Variants in SIRPG observed in about 807,000 individuals in gnomAD.
SIRPG encodes the protein signal-regulatory protein gamma.
SIRPG carries 38 observed loss-of-function variants against 35.7 expected under a neutral mutation model. The ratio of observed to expected loss-of-function variants is 1.06; its 90% CI spans 0.82 to 1.40. The LOEUF is 1.40. Ranked by LOEUF, SIRPG falls within the 40% of genes most tolerant of loss-of-function variation. The pLI is 0.00. For synonymous variants in SIRPG, 215 were observed against 190.4 expected (o/e 1.13, Z -1.06); for missense variants, 519 against 483.0 (o/e 1.07, Z -0.70).
intron 1 of SIRPG, among the ~76,000 whole-genome samples, chr20:1,654,689 A>G (rs1458158023): frequency 6.6e-6 from 1 of 152,236 alleles, no homozygotes; most frequent in Admixed American, 6.5e-5. Flanking sequence ...AAAGGCATTA[A>G]CAACAAACTA....
the SIRPG span, among the ~76,000 whole-genome samples, chr20:1,682,329 T>A: frequency 6.6e-6 from 1 of 152,226 alleles, no homozygotes; most frequent in Non-Finnish European, 1.5e-5. Flanking sequence ...TCAAGTGAGA[T>A]TTATCCCAGG....
chr20:1,636,574 AC>A (rs1166487129), intron 2 of SIRPG, 69 bp from the exon 3 acceptor site: 1 of 1,461,476 alleles, frequency 6.8e-7, no homozygotes, highest in East Asian at 2.3e-5. Context: ...AGTGTGTGAC[AC>A]TGTTAAGAAC....
chr20:1,634,292 C>A (rs6514585), intron 4 of SIRPG, among the ~76,000 whole-genome samples: 1 of 150,230 alleles, frequency 6.7e-6, no homozygotes, highest in Non-Finnish European at 1.5e-5. Flanking sequence ...CTGCAAGCTC[C>A]GCCTCCTGGG....
the SIRPG span, chr20:1,670,088 A>G: frequency 1.6e-5 from 4 of 252,434 alleles, no homozygotes; most frequent in Non-Finnish European, 3.5e-5. Context: ...CATGTTCTCA[A>G]TGAGGATGGA....
the SIRPG span, among the ~76,000 whole-genome samples, chr20:1,675,736 G>A: frequency 2.0e-5 from 3 of 152,176 alleles, no homozygotes; most frequent in South Asian, 6.2e-4. Context: ...ATTAGGATTA[G>A]AGACAAGTTC....
rs1427506660 is a variant in SIRPG, at chr20:1,657,700, G to A, written c.15C>T (p.Ala5=). MPVP[A]SWPHPPGPFL... Reference sequence around the variant, plus strand: ...AAGGACCAGGAGGATGGGGCCAGGAGGCTGGGACAGGCATTTTGGAGACCT... The same window carrying A: ...AAGGACCAGGAGGATGGGGCCAGGAAGCTGGGACAGGCATTTTGGAGACCT... The change falls in exon 1 of 6, where the codon GCC becomes GCT. Residue 5 remains alanine, a synonymous_variant. Transcript: ENST00000303415. 3.1e-6 allele frequency: 5 copies of A among 1,614,208 alleles called. No individual in the cohort carries two copies. In the Admixed American group the frequency reaches 6.7e-5, roughly 22 times the overall value.
chr20:1,671,870 G>A, the SIRPG span, among the ~76,000 whole-genome samples: 1 of 152,186 alleles, frequency 6.6e-6, no homozygotes, highest in Non-Finnish European at 1.5e-5. Context: ...TTCCACCCTG[G>A]GTGGGCCAGG....
At chr20:1,671,080 G>T in the SIRPG span, 1,784 of 428,194 alleles carry the variant, frequency 4.2e-3, 14 homozygotes, top group Non-Finnish European at 4.9e-3. Context: ...CCTATTTTTG[G>T]ACCATTTCAG....
At chr20:1,673,332 G>T in the SIRPG span, among the ~76,000 whole-genome samples, 4 of 152,000 alleles carry the variant, frequency 2.6e-5, no homozygotes, top group Non-Finnish European at 5.9e-5. Flanking sequence ...CTGTGAGGGG[G>T]TCCTAATGTG....
chr20:1,673,115 G>A, the SIRPG span, among the ~76,000 whole-genome samples: 1 of 152,162 alleles, frequency 6.6e-6, no homozygotes, highest in Non-Finnish European at 1.5e-5. Context: ...ATTTGCCTTT[G>A]TACATATTAA....
At chr20:1,631,234 G>C (rs760892716) in intron 4 of SIRPG, among the ~76,000 whole-genome samples, 1 of 152,158 alleles carries the variant, frequency 6.6e-6, no homozygotes, top group Non-Finnish European at 1.5e-5. Flanking sequence ...CTCAGCATCT[G>C]TGGCTGCTGG....
chr20:1,649,629 CTTTTTTTTTTTT>C (rs35561366), intron 1 of SIRPG, among the ~76,000 whole-genome samples: 4 of 75,764 alleles, frequency 5.3e-5, no homozygotes, highest in Non-Finnish European at 6.9e-5. Flanking sequence ...CAGAGAGGTT[CTTTTTTTTTTTT>C]TTTTTTTTTT....
intron 2 of SIRPG, among the ~76,000 whole-genome samples, chr20:1,638,053 A>AAG (rs1031515915): frequency 6.6e-6 from 1 of 152,216 alleles, no homozygotes; most frequent in Non-Finnish European, 1.5e-5. Context: ...TCAAGTCATC[A>AAG]AGACACCAGC....
upstream of SIRPG, among the ~76,000 whole-genome samples, chr20:1,661,491 T>C (rs983190510): frequency 6.6e-6 from 1 of 152,084 alleles, no homozygotes; most frequent in African/African-American, 2.4e-5. Flanking sequence ...AGAAATACAC[T>C]CATGTAGAGC....
the SIRPG span, among the ~76,000 whole-genome samples, chr20:1,679,980 C>T: frequency 1.3e-5 from 2 of 152,178 alleles, no homozygotes; most frequent in Admixed American, 1.3e-4. Context: ...CACCTTTCTT[C>T]AGGAGCACAG....
chr20:1,670,214 T>C, the SIRPG span: 6 of 261,422 alleles, frequency 2.3e-5, no homozygotes, highest in East Asian at 6.3e-4. Context: ...CTTTATGGGC[T>C]GTTGAGTAAC....
chr20:1,630,603 G>A (rs1161843767), intron 4 of SIRPG: 1 of 328,934 alleles, frequency 3.0e-6, no homozygotes, highest in Admixed American at 4.8e-5. Context: ...ACCCTCACAA[G>A]CCTATGGGAG....
At chr20:1,682,420 C>G in the SIRPG span, among the ~76,000 whole-genome samples, 17,652 of 152,132 alleles carry the variant, frequency 0.12, 1,148 homozygotes, top group African/African-American at 0.18. Context: ...AACCCTATGA[C>G]CATCTCAACA....
chr20:1,650,635 T>C (rs2091934730), intron 1 of SIRPG, among the ~76,000 whole-genome samples: 1 of 152,020 alleles, frequency 6.6e-6, no homozygotes, highest in Non-Finnish European at 1.5e-5. Context: ...GAAATACACA[T>C]TATTAGAGTT....
Sources: gnomAD v4.1 joint callset for allele counts (sites outside exome capture counted in the v4.1 genomes callset) on GRCh38, gnomAD v4.1.1 for gene constraint, MANE v1.5 for transcripts, NCBI Gene and HGNC (gene_info 2026-07-23, HGNC 2026-07-21) for gene names.